Variants in IQCB1 observed in about 807,000 individuals in gnomAD.
IQCB1 encodes IQ calmodulin-binding motif-containing protein 1.
A neutral mutation model predicts 84.4 loss-of-function variants in IQCB1; 56 were observed. The observed-to-expected ratio is 0.66, with a 90% CI of 0.54 to 0.83. The LOEUF (loss-of-function observed/expected upper bound fraction) is 0.83, where lower values mean the gene tolerates loss of function less well. IQCB1 is among the 40% of genes least tolerant of loss of function. The pLI is 0.00. For missense variants in IQCB1, 629 were observed against 682.1 expected (o/e 0.92, Z 0.87); for synonymous variants, 210 against 234.8 (o/e 0.89, Z 0.96).
Position 121,807,450 on chromosome 3 carries a change from G to T in IQCB1, c.488-7C>A. ...AAATGATCACTTTGTAGTACTAAAGGAAAAGAAAAAAAAAGAAAGATTAAA... is the reference window on the plus strand; with the variant it reads ...AAATGATCACTTTGTAGTACTAAAGTAAAAGAAAAAAAAAGAAAGATTAAA... On this transcript the variant is annotated splice_polypyrimidine_tract_variant and splice_region_variant and intron_variant, in intron 6 of 14. Coordinates refer to ENST00000310864, the MANE Select transcript of IQCB1 (RefSeq NM_001023570.4). 7.6e-7 allele frequency: 1 copy of T among 1,316,906 alleles called. No individual in the cohort carries two copies. Among genetic ancestry groups the T allele is most frequent in the Non-Finnish European group, 1.1e-6 (1 of 917,212 alleles). The allele number at this position is 1,316,906 out of a possible 1,614,324, so 81.6% of individuals were successfully genotyped here. A position where few individuals can be genotyped will look rare whatever the true frequency, so the allele number is the denominator to read the frequency against.
At chr3:121,834,764 T>C (rs1045089359) in intron 1 of IQCB1, among the ~76,000 whole-genome samples, 13 of 152,168 alleles carry the variant, frequency 8.5e-5, no homozygotes, top group Admixed American at 2.0e-4. Flanking sequence ...GATAAGACAC[T>C]AGGCCCTGTG....
chr3:121,771,364 T>C (rs1947983070), intron 14 of IQCB1, among the ~76,000 whole-genome samples: 1 of 152,032 alleles, frequency 6.6e-6, no homozygotes, highest in Non-Finnish European at 1.5e-5. Context: ...AGTCTCACTC[T>C]GTCACCTAGG....
In IQCB1 at chr3:121,797,185, A is replaced by C; in HGVS notation, c.809T>G (p.Phe270Cys). ...AACAAGCTGTCTAAGTTCTTGACTG[A>C]ATTCAGTCCCAGTTTCCTGTTTACT... Reference protein sequence around the residue: ...LLSKQETGTEFSQELRQLVGL... With the variant: ...LLSKQETGTECSQELRQLVGL... The change falls in exon 9 of 15, where the codon TTC becomes TGC. Residue 270 changes from phenylalanine to cysteine, a missense_variant. Transcript: ENST00000310864. 1 of 1,610,342 alleles carries C rather than the reference A, an allele frequency of 6.2e-7. No individual in the cohort carries two copies. The highest frequency in any genetic ancestry group is 8.5e-7 in the Non-Finnish European group (1 of 1,177,512).
intron 5 of IQCB1, among the ~76,000 whole-genome samples, chr3:121,814,382 T>C (rs1177815922): frequency 6.6e-6 from 1 of 151,500 alleles, no homozygotes; most frequent in African/African-American, 2.4e-5. Flanking sequence ...GCAAACAAAT[T>C]CAAAAGCTAG....
chr3:121,784,760 C>T (rs901962486), intron 12 of IQCB1, among the ~76,000 whole-genome samples: 4 of 152,122 alleles, frequency 2.6e-5, no homozygotes, highest in African/African-American at 9.7e-5. Context: ...TGGCTCACTG[C>T]AGCCTCAACC....
chr3:121,786,170 CAAAAGAAAAGAAAAG>C lies in IQCB1; in HGVS notation c.1278+2099_1278+2113del, dbSNP rs778485380. The stretch of plus-strand genomic sequence containing the variant: ...TGGGAGACAGAGAGAGATTCTGTCT[CAAAAGAAAAGAAAAG>C]AAAAGAAAAGAAAAGAAAAGAAAAG... On this transcript the variant is annotated intron_variant, in intron 12 of 14. Transcript: ENST00000310864. Among the ~76,000 whole-genome samples the C allele has an allele frequency of 1.9e-4, 14 of 72,882 alleles. No homozygotes were observed. The East Asian group carries it at 1.9e-3, about 10-fold the overall frequency. The allele number at this position is 72,882 out of a possible 152,430, so 47.8% of individuals were successfully genotyped here.
chr3:121,792,521 GCGTGATGGCGGGCGCCTGTAGT>G lies in IQCB1; in HGVS notation c.987-2328_987-2307del, dbSNP rs1949028723. Among the ~76,000 whole-genome samples, 3 of 145,638 alleles carry G rather than the reference GCGTGATGGCGGGCGCCTGTAGT, an allele frequency of 2.1e-5. No individual in the cohort carries two copies. In the South Asian group the frequency reaches 6.8e-4, roughly 33 times the overall value. On this transcript the variant is annotated intron_variant, in intron 10 of 14. Coordinates refer to ENST00000310864, the MANE Select transcript of IQCB1 (RefSeq NM_001023570.4). Reference sequence around the variant, plus strand: ...AAAAAATAACAAAAAAATTAGCCGGGCGTGATGGCGGGCGCCTGTAGTCCCAGCTACTCGGGAGGCTGAGGCA... The same window carrying G: ...AAAAAATAACAAAAAAATTAGCCGGGCCCAGCTACTCGGGAGGCTGAGGCA...
chr3:121,787,886 T>A (rs925242442), intron 12 of IQCB1, among the ~76,000 whole-genome samples: 9 of 152,306 alleles, frequency 5.9e-5, no homozygotes, highest in African/African-American at 1.9e-4. Flanking sequence ...ACAAAATACA[T>A]TCCCATAAAT....
At chr3:121,798,735 G>A (rs1291417993) in intron 8 of IQCB1, among the ~76,000 whole-genome samples, 1 of 151,806 alleles carries the variant, frequency 6.6e-6, no homozygotes, top group African/African-American at 2.4e-5. Context: ...ATTCACATAT[G>A]TATTTGATTT....
chr3:121,785,613 C>A (rs184668311), intron 12 of IQCB1, among the ~76,000 whole-genome samples: 1 of 151,816 alleles, frequency 6.6e-6, no homozygotes, highest in Non-Finnish European at 1.5e-5. Flanking sequence ...AAAAAATGGG[C>A]GAAACAATAT....
In IQCB1 at chr3:121,787,969, G is replaced by C. The variant is rs1352460809; in HGVS notation, c.1278+315C>G. Among the ~76,000 whole-genome samples the C allele has an allele frequency of 9.2e-5, 14 of 152,140 alleles. 1 individual carries two copies. The highest frequency in any genetic ancestry group is 9.2e-4 in the Admixed American group (14 of 15,274). On this transcript the variant is annotated intron_variant, in intron 12 of 14. Coordinates refer to ENST00000310864, the MANE Select transcript of IQCB1 (RefSeq NM_001023570.4). Reference sequence around the variant, plus strand: ...ACATCTATTCATACATCAAGCACATGTGATGAGCTGACAACAATAAGACTT... The same window carrying C: ...ACATCTATTCATACATCAAGCACATCTGATGAGCTGACAACAATAAGACTT...
chr3:121,833,380 T>C (rs970230969), intron 2 of IQCB1, among the ~76,000 whole-genome samples: 4 of 152,230 alleles, frequency 2.6e-5, no homozygotes, highest in Non-Finnish European at 5.9e-5. Flanking sequence ...CCTCAATTTC[T>C]TGACTTTCTG....
chr3:121,795,206 C>T (rs978637812), intron 10 of IQCB1, among the ~76,000 whole-genome samples: 4 of 152,022 alleles, frequency 2.6e-5, no homozygotes, highest in African/African-American at 9.7e-5. Flanking sequence ...CCTTTGTAGG[C>T]TTGGCCCCTC....
At chr3:121,807,727 C>A (rs1172956856) in intron 6 of IQCB1, among the ~76,000 whole-genome samples, 2 of 151,936 alleles carry the variant, frequency 1.3e-5, no homozygotes, top group Non-Finnish European at 1.5e-5. Flanking sequence ...TATCCTAAAT[C>A]TGAATCTTTT....
At chr3:121,803,086 GC>G (rs1205427548) in intron 7 of IQCB1, among the ~76,000 whole-genome samples, 2 of 152,024 alleles carry the variant, frequency 1.3e-5, no homozygotes, top group African/African-American at 4.8e-5. Flanking sequence ...ACAGGGTCTT[GC>G]TCTGTTGCCT....
chr3:121,796,562 A>G (rs1407983200), intron 9 of IQCB1, among the ~76,000 whole-genome samples: 1 of 152,128 alleles, frequency 6.6e-6, no homozygotes, highest in Non-Finnish European at 1.5e-5. Context: ...TTTTATTAAT[A>G]CCATTTCTTA....
At chr3:121,776,071 T>G (rs1284562323) in intron 13 of IQCB1, among the ~76,000 whole-genome samples, 2 of 152,178 alleles carry the variant, frequency 1.3e-5, no homozygotes, top group Admixed American at 6.5e-5. Context: ...TTTAAAAATT[T>G]TTTTTGAAGA....
chr3:121,785,676 T>G (rs1011295545), intron 12 of IQCB1, among the ~76,000 whole-genome samples: 1 of 152,190 alleles, frequency 6.6e-6, no homozygotes, highest in African/African-American at 2.4e-5. Context: ...TAGTATTTCA[T>G]CATGTAATCA....
chr3:121,797,101 T>C lies in IQCB1; in HGVS notation c.876+17A>G, dbSNP rs1318604820. The C allele has an allele frequency of 7.5e-7, 1 of 1,341,208 alleles. No homozygotes were observed. The highest frequency in any genetic ancestry group is 1.1e-6 in the Non-Finnish European group (1 of 933,228). The allele number at this position is 1,341,208 out of a possible 1,614,324, so 83.1% of individuals were successfully genotyped here. ...TCAGCAAATATCATGCAATTTTTTT[T>C]TTTTGTAACTTAATACCTGCTCTTC... On this transcript the variant is annotated intron_variant, in intron 9 of 14. Coordinates refer to ENST00000310864, the MANE Select transcript of IQCB1 (RefSeq NM_001023570.4).
Sources: gnomAD v4.1 joint callset for allele counts (sites outside exome capture counted in the v4.1 genomes callset) on GRCh38, gnomAD v4.1.1 for gene constraint, MANE v1.5 for transcripts, NCBI Gene and HGNC (gene_info 2026-07-23, HGNC 2026-07-21) for gene names.